KHDRBS2: variants seen among roughly 807,000 people sequenced by gnomAD.
The protein encoded by KHDRBS2 is KH domain-containing, RNA-binding, signal transduction-associated protein 2.
In KHDRBS2, 26 loss-of-function variants were observed where a neutral mutation model predicts 44.3. The observed-to-expected ratio is 0.59, with a 90% confidence interval of 0.43 to 0.81. KHDRBS2 has a LOEUF of 0.81. Ranked by LOEUF, KHDRBS2 falls within the 40% of genes least tolerant of loss-of-function variation. KHDRBS2 has a pLI of 0.00. For missense variants in KHDRBS2, 476 were observed against 433.1 expected (o/e 1.10, Z -0.88); for synonymous variants, 194 against 151.1 (o/e 1.28, Z -2.08).
At chr6:62,097,982 C>T (rs977122353) in intron 2 of KHDRBS2, among the ~76,000 whole-genome samples, 2 of 152,004 alleles carry the variant, frequency 1.3e-5, no homozygotes, top group African/African-American at 4.8e-5. Context: ...TAACTTTGAT[C>T]ATAAAGATAG....
chr6:61,955,453 TATATAC>T (rs1446587029), intron 4 of KHDRBS2, among the ~76,000 whole-genome samples: 23 of 58,562 alleles, frequency 3.9e-4, no homozygotes, highest in African/African-American at 1.2e-3. Flanking sequence ...CATATGTGTA[TATATAC>T]ATATGTGTAT....
At chr6:61,635,425 C>A in the KHDRBS2 span, among the ~76,000 whole-genome samples, 1 of 151,858 alleles carries the variant, frequency 6.6e-6, no homozygotes, top group South Asian at 2.1e-4. Context: ...ATTTAGTGTT[C>A]AAAGGGATAA....
At chr6:61,893,675 C>T (rs1162711917) in intron 6 of KHDRBS2, among the ~76,000 whole-genome samples, 2 of 152,136 alleles carry the variant, frequency 1.3e-5, no homozygotes, top group African/African-American at 2.4e-5. Flanking sequence ...CGCATGTTCT[C>T]ACTCATAGGT....
intron 1 of KHDRBS2, among the ~76,000 whole-genome samples, chr6:62,243,428 G>A (rs114223093): frequency 0.015 from 2,295 of 151,982 alleles, 25 homozygotes; most frequent in Middle Eastern, 0.085. Flanking sequence ...CCTCAACATA[G>A]AAATCTAAAA....
chr6:61,944,828 C>T (rs1321375258), intron 4 of KHDRBS2, among the ~76,000 whole-genome samples: 3 of 151,652 alleles, frequency 2.0e-5, no homozygotes, highest in South Asian at 2.1e-4. Context: ...CAGTGGCTCA[C>T]GCCTGAAATC....
At chr6:61,709,108 T>C (rs1296933877) in intron 7 of KHDRBS2, among the ~76,000 whole-genome samples, 1 of 151,606 alleles carries the variant, frequency 6.6e-6, no homozygotes, top group Non-Finnish European at 1.5e-5. Flanking sequence ...TATCAGGTGC[T>C]CAATAACTAT....
intron 4 of KHDRBS2, among the ~76,000 whole-genome samples, chr6:61,918,121 A>G (rs1807361432): frequency 6.6e-6 from 1 of 151,990 alleles, no homozygotes; most frequent in Admixed American, 6.6e-5. Flanking sequence ...TGTGAGTCAA[A>G]TCACAAGCAG....
At chr6:61,842,702 G>A (rs1183185176) in intron 6 of KHDRBS2, among the ~76,000 whole-genome samples, 1 of 152,040 alleles carries the variant, frequency 6.6e-6, no homozygotes, top group Non-Finnish European at 1.5e-5. Context: ...AAATACTTAA[G>A]CAATTCCACT....
At chr6:61,610,026 A>T in the KHDRBS2 span, among the ~76,000 whole-genome samples, 5 of 152,034 alleles carry the variant, frequency 3.3e-5, no homozygotes, top group Non-Finnish European at 7.4e-5. Context: ...ACAAAAAAAA[A>T]TTAGCTGGGC....
intron 6 of KHDRBS2, among the ~76,000 whole-genome samples, chr6:61,819,404 G>A (rs537490862): frequency 4.1e-4 from 63 of 152,132 alleles, no homozygotes; most frequent in Admixed American, 7.9e-4. Flanking sequence ...TGTCCCTACT[G>A]TGACTTTCTT....
At chr6:61,840,120 C>T (rs921894441) in intron 6 of KHDRBS2, among the ~76,000 whole-genome samples, 7 of 152,086 alleles carry the variant, frequency 4.6e-5, no homozygotes, top group African/African-American at 1.7e-4. Context: ...AGCAGTTCTA[C>T]ATCATTTTCA....
intron 8 of KHDRBS2, among the ~76,000 whole-genome samples, chr6:61,693,368 G>T (rs1475099062): frequency 2.6e-5 from 4 of 152,060 alleles, no homozygotes; most frequent in Non-Finnish European, 5.9e-5. Context: ...GGGCTGCAAG[G>T]TTATGGTGCT....
chr6:61,644,031 A>G, the KHDRBS2 span, among the ~76,000 whole-genome samples: 3 of 152,230 alleles, frequency 2.0e-5, no homozygotes, highest in Non-Finnish European at 4.4e-5. Flanking sequence ...AGCTGGGGGC[A>G]TCAAGTTACT....
chr6:61,901,441 A>AG, intron 4 of KHDRBS2, 70 bp from the exon 5 acceptor site: 1 of 1,259,618 alleles, frequency 7.9e-7, no homozygotes, highest in Non-Finnish European at 1.1e-6. Context: ...AAAAAAAAAA[A>AG]AGAAACAAAA....
At chr6:61,769,460 C>A in intron 6 of KHDRBS2, among the ~76,000 whole-genome samples, 1 of 152,176 alleles carries the variant, frequency 6.6e-6, no homozygotes, top group Non-Finnish European at 1.5e-5. Context: ...GTCACTCCCA[C>A]CCTAATACTG....
chr6:61,956,431 T>C (rs146867078), intron 4 of KHDRBS2, among the ~76,000 whole-genome samples: 2 of 152,258 alleles, frequency 1.3e-5, no homozygotes, highest in East Asian at 1.9e-4. Context: ...TTTGATTTCA[T>C]GAGACACAGT....
chr6:62,059,045 A>G (rs1482932526), intron 2 of KHDRBS2, among the ~76,000 whole-genome samples: 6 of 151,654 alleles, frequency 4.0e-5, no homozygotes, highest in Non-Finnish European at 8.8e-5. Flanking sequence ...CTCTTTCAGA[A>G]AACTTAGAAC....
chr6:61,749,310 G>A (rs549092712), intron 6 of KHDRBS2, among the ~76,000 whole-genome samples: 19 of 152,042 alleles, frequency 1.2e-4, no homozygotes, highest in African/African-American at 4.6e-4. Context: ...ACCGTGCCCC[G>A]CCTTTCAATT....
In KHDRBS2 at chr6:62,062,474, T is replaced by C. The variant is rs1326189874; in HGVS notation, c.220-14480A>G. Among the ~76,000 whole-genome samples the C allele has an allele frequency of 3.9e-5, 6 of 151,962 alleles. No individual in the cohort carries two copies. The East Asian group carries it at 1.2e-3, about 30-fold the overall frequency. ...AAACTAGAACTCAGGATTAAGAATC[T>C]CACTCAAAGCCGCTCAGCTACGTGG... On this transcript the variant is annotated intron_variant, in intron 2 of 8. Coordinates refer to ENST00000281156, the MANE Select transcript of KHDRBS2 (RefSeq NM_152688.4).
Sources: gnomAD v4.1 joint callset for allele counts (sites outside exome capture counted in the v4.1 genomes callset) on GRCh38, gnomAD v4.1.1 for gene constraint, MANE v1.5 for transcripts, NCBI Gene and HGNC (gene_info 2026-07-23, HGNC 2026-07-21) for gene names.